TMLHE: variants seen among roughly 807,000 people sequenced by gnomAD.
TMLHE encodes trimethyllysine dioxygenase, mitochondrial.
A neutral mutation model predicts 25.7 loss-of-function variants in TMLHE; 18 were observed. That is an observed-to-expected ratio of 0.70 (90% CI 0.48 to 1.04). TMLHE has a LOEUF of 1.04. Among genes scored for constraint, TMLHE ranks in the 50% least tolerant of loss-of-function variants. The pLI, the probability that TMLHE is intolerant of heterozygous loss-of-function variation, is 0.00. For missense variants in TMLHE, 236 were observed against 259.0 expected, an observed-to-expected ratio of 0.91 and a Z score of 0.61; for synonymous variants, 105 against 97.0, an observed-to-expected ratio of 1.08 and a Z score of -0.49.
intron 2 of TMLHE, among the ~76,000 whole-genome samples, chrX:155,533,913 A>G (rs1221217583): frequency 8.9e-6 from 1 of 112,188 alleles, no homozygotes; most frequent in Non-Finnish European, 1.9e-5. Flanking sequence ...AACAAAAAGG[A>G]ACCAGGACTT....
At position 155,550,094 on chromosome X, in the gene TMLHE, G is replaced by A. The variant is rs782349767; in HGVS notation, c.-1-4817C>T. ...CTGCATAGTATTCCGTGGCGTATATGTGCCACATTTTCTTTATCCAGTCTC... is the reference window on the plus strand; with the variant it reads ...CTGCATAGTATTCCGTGGCGTATATATGCCACATTTTCTTTATCCAGTCTC... On this transcript the variant is annotated intron_variant, in intron 1 of 7. Transcript: ENST00000334398. 5.4e-5 allele frequency among the ~76,000 whole-genome samples: 6 copies of A among 110,786 alleles called. No homozygotes were observed. In the South Asian group the frequency reaches 1.9e-3, roughly 35 times the overall value.
At chrX:155,522,317 C>T (rs782801402) in intron 3 of TMLHE, among the ~76,000 whole-genome samples, 1 of 111,564 alleles carries the variant, frequency 9.0e-6, no homozygotes, top group African/African-American at 3.3e-5. Context: ...ATGAGCTCTT[C>T]CCCTTCCTTG....
intron 1 of TMLHE, among the ~76,000 whole-genome samples, chrX:155,591,183 A>C (rs2067691919): frequency 8.9e-6 from 1 of 111,879 alleles, no homozygotes; most frequent in South Asian, 3.7e-4. Flanking sequence ...CCCATGGTAC[A>C]TGAAGAAGAA....
At chrX:155,611,915 C>T (rs1225307304) in intron 1 of TMLHE, among the ~76,000 whole-genome samples, 1 of 111,693 alleles carries the variant, frequency 9.0e-6, no homozygotes, top group Admixed American at 9.5e-5. Flanking sequence ...ACAAGCAACT[C>T]TAAAAGACTA....
intron 1 of TMLHE, among the ~76,000 whole-genome samples, chrX:155,610,712 T>G (rs1195484401): frequency 9.0e-6 from 1 of 111,261 alleles, no homozygotes; most frequent in Non-Finnish European, 1.9e-5. Context: ...GGCTTGAAAT[T>G]TGGAGTAGTC....
intron 1 of TMLHE, among the ~76,000 whole-genome samples, chrX:155,575,623 A>G (rs1224769977): frequency 8.9e-6 from 1 of 112,241 alleles, no homozygotes; most frequent in Non-Finnish European, 1.9e-5. Context: ...TGAGCAAACC[A>G]AATCCAGCAG....
chrX:155,542,954 G>A (rs782724399), intron 2 of TMLHE, among the ~76,000 whole-genome samples: 1 of 110,819 alleles, frequency 9.0e-6, no homozygotes, highest in Admixed American at 9.7e-5. Context: ...GTGTGTGTGT[G>A]TTTATTTATA....
At position 155,548,529 on chromosome X, in the gene TMLHE, TATGAGGCCAGCCTGACTAACATGG is replaced by T. The variant is rs1569562088; in HGVS notation, c.-1-3276_-1-3253del. Among the ~76,000 whole-genome samples, 4 of 107,598 alleles carry T rather than the reference TATGAGGCCAGCCTGACTAACATGG, an allele frequency of 3.7e-5. No homozygotes were observed. In the Admixed American group the frequency reaches 3.8e-4, roughly 10 times the overall value. The allele number at this position is 107,598 out of a possible 115,157, so 93.4% of individuals were successfully genotyped here. A position where few individuals can be genotyped will look rare whatever the true frequency, so the allele number is the denominator to read the frequency against. On this transcript the variant is annotated intron_variant, in intron 1 of 7. Coordinates refer to ENST00000334398, the MANE Select transcript of TMLHE (RefSeq NM_018196.4). ...GGCGGGCGGATCACAAGGTCAGCAG[TATGAGGCCAGCCTGACTAACATGG>T]TGAAACCCTGTCTCTACTAAAAAAT...
chrX:155,585,313 T>C (rs1176872120), intron 1 of TMLHE, among the ~76,000 whole-genome samples: 1 of 110,535 alleles, frequency 9.0e-6, no homozygotes, highest in Non-Finnish European at 1.9e-5. Context: ...GGAGTAGCTA[T>C]ACTTAGATAA....
Position 155,513,997 on chromosome X carries a change from G to C in TMLHE, c.627C>G (p.Ile209Met). Residue 209 changes from isoleucine (I) to methionine (M), a missense_variant, in exon 4 of 8, where the codon ATC (isoleucine) becomes ATG (methionine). Ile to Met is a conservative substitution (Grantham distance 10). Transcript: ENST00000334398. ...AACAAATGAATTACCTGATTAAGCTGATCCTTTCTGCCAACTTCTCTGTGT... is the reference window on the plus strand; with the variant it reads ...AACAAATGAATTACCTGATTAAGCTCATCCTTTCTGCCAACTTCTCTGTGT... The part of the protein sequence containing the change: ...QEHTEKLAER[I>M]SLIRETIYGR... 2 of 1,207,906 alleles carry C rather than the reference G, an allele frequency of 1.7e-6. No homozygotes were observed. The highest frequency in any genetic ancestry group is 2.2e-6 in the Non-Finnish European group (2 of 892,614).
intron 1 of TMLHE, among the ~76,000 whole-genome samples, chrX:155,574,348 C>T (rs1490210282): frequency 1.8e-5 from 2 of 111,942 alleles, no homozygotes; most frequent in African/African-American, 6.5e-5. Flanking sequence ...TCCTTGTCCA[C>T]ACAGAAAGTA....
intron 2 of TMLHE, among the ~76,000 whole-genome samples, chrX:155,538,493 C>G (rs1489450079): frequency 9.0e-6 from 1 of 111,350 alleles, no homozygotes; most frequent in East Asian, 2.8e-4. Flanking sequence ...GCATAATTTC[C>G]TAGTAAAATC....
intron 1 of TMLHE, among the ~76,000 whole-genome samples, chrX:155,607,129 C>T (rs2067791823): frequency 9.0e-6 from 1 of 111,569 alleles, no homozygotes; most frequent in Non-Finnish European, 1.9e-5. Context: ...AGGCCAGTAT[C>T]ATGCTGATAC....
At chrX:155,551,201 G>C (rs1409494552) in intron 1 of TMLHE, among the ~76,000 whole-genome samples, 1 of 110,693 alleles carries the variant, frequency 9.0e-6, no homozygotes, top group African/African-American at 3.3e-5. Context: ...GTTTCCAGCA[G>C]CTCATGTATT....
chrX:155,558,778 A>G (rs1452080392), intron 1 of TMLHE, among the ~76,000 whole-genome samples: 1 of 111,720 alleles, frequency 9.0e-6, no homozygotes, highest in Non-Finnish European at 1.9e-5. Context: ...TAATTATATT[A>G]CTTTTATAAC....
Position 155,561,705 on chromosome X carries a change from G to A in TMLHE, c.-1-16428C>T, listed in dbSNP as rs1444055557. Among the ~76,000 whole-genome samples the A allele has an allele frequency of 6.7e-4, 42 of 62,499 alleles. 5 individuals are homozygous for A. Among genetic ancestry groups the A allele is most frequent in the African/African-American group, 1.5e-3 (41 of 28,152 alleles). 54.3% of individuals were successfully genotyped at this position (62,499 alleles called of 115,157 possible). A position where few individuals can be genotyped will look rare whatever the true frequency, so the allele number is the denominator to read the frequency against. On this transcript the variant is annotated intron_variant, in intron 1 of 7. Transcript: ENST00000334398. ...ATGGGGGTACAAGCATTGGGTAAAT[G>A]CTCCCATTCCAAATGGGAGAAATTG...
At chrX:155,523,136 G>A (rs181792858) in intron 3 of TMLHE, among the ~76,000 whole-genome samples, 37 of 111,252 alleles carry the variant, frequency 3.3e-4, no homozygotes, top group South Asian at 1.5e-3. Flanking sequence ...GTGTTTATTC[G>A]CCATCTGTAT....
chrX:155,554,322 T>G (rs1557340430), intron 1 of TMLHE, among the ~76,000 whole-genome samples: 7 of 111,085 alleles, frequency 6.3e-5, no homozygotes. Context: ...CCTTTGGTTT[T>G]TGGTGACAGG....
chrX:155,560,365 A>C (rs1231591319), intron 1 of TMLHE, among the ~76,000 whole-genome samples: 5 of 110,423 alleles, frequency 4.5e-5, no homozygotes, highest in Non-Finnish European at 7.6e-5. Context: ...TGTTTTAGGC[A>C]CTAGGGATAT....
Sources: allele counts gnomAD v4.1 joint callset (sites outside exome capture counted in the v4.1 genomes callset), GRCh38; gene constraint gnomAD v4.1.1; transcripts MANE v1.5; gene names NCBI Gene and HGNC (gene_info 2026-07-23, HGNC 2026-07-21).